A1CF: variants seen among roughly 807,000 people sequenced by gnomAD.
A1CF encodes APOBEC-1 stimulating protein.
In A1CF, 48 loss-of-function variants were observed where a neutral mutation model predicts 68.9. The ratio of observed to expected loss-of-function variants is 0.70; its 90% CI spans 0.55 to 0.89. A1CF has a LOEUF of 0.89. A1CF is among the 40% of genes least tolerant of loss of function. A1CF has a pLI of 0.00. For synonymous variants in A1CF, 272 were observed against 260.4 expected, an observed-to-expected ratio of 1.04 and a Z score of -0.43; for missense variants, 653 against 718.9, an observed-to-expected ratio of 0.91 and a Z score of 1.05.
chr10:50,853,858 A>G (rs1341702669), intron 3 of A1CF, among the ~76,000 whole-genome samples: 5 of 151,900 alleles, frequency 3.3e-5, no homozygotes, highest in Non-Finnish European at 5.9e-5. Flanking sequence ...TACTACATAA[A>G]CAAGCTGTAG....
chr10:50,827,482 C>T (rs1210907774), intron 7 of A1CF, among the ~76,000 whole-genome samples: 1 of 152,172 alleles, frequency 6.6e-6, no homozygotes, highest in Admixed American at 6.5e-5. Flanking sequence ...AAGAAACTCA[C>T]CCCAAACCAC....
intron 10 of A1CF, among the ~76,000 whole-genome samples, chr10:50,812,595 G>A (rs1176252606): frequency 6.6e-6 from 1 of 152,110 alleles, no homozygotes; most frequent in Non-Finnish European, 1.5e-5. Context: ...AAGTATTCCA[G>A]TACTTTAATC....
At chr10:50,841,215 C>T (rs1432759273) in intron 5 of A1CF, among the ~76,000 whole-genome samples, 1 of 152,234 alleles carries the variant, frequency 6.6e-6, no homozygotes, top group Admixed American at 6.5e-5. Flanking sequence ...TTCATCTACA[C>T]TTCCTCACAC....
intron 6 of A1CF, among the ~76,000 whole-genome samples, chr10:50,828,815 C>A (rs973130888): frequency 1.3e-5 from 2 of 152,080 alleles, no homozygotes; most frequent in Non-Finnish European, 2.9e-5. Flanking sequence ...ACTCAGGCAT[C>A]CTTAATTTGT....
intron 1 of A1CF, among the ~76,000 whole-genome samples, chr10:50,866,999 T>A (rs1470221507): frequency 6.7e-6 from 1 of 148,740 alleles, no homozygotes; most frequent in Non-Finnish European, 1.5e-5. Flanking sequence ...ACAGGCGTGA[T>A]CCAACATGCC....
intron 7 of A1CF, among the ~76,000 whole-genome samples, chr10:50,826,860 T>A (rs4471368): frequency 6.6e-6 from 1 of 152,142 alleles, no homozygotes; most frequent in East Asian, 1.9e-4. Flanking sequence ...GAGTCAAGAC[T>A]CATCAGTGCG....
Position 50,805,223 on chromosome 10 carries a change from T to G in A1CF, c.*1506A>C, listed in dbSNP as rs1379519662. ...TTTTCCATGTCTTTGTGTTTATGTT[T>G]TCCTTTGTGTTCTGTAAATTTTTTT... On this transcript the variant is annotated 3_prime_UTR_variant, in exon 13 of 13. Transcript: ENST00000373997. The G allele has an allele frequency of 1.3e-5, 2 of 152,236 alleles. No individual in the cohort carries two copies. The highest frequency in any genetic ancestry group is 4.8e-5 in the African/African-American group (2 of 41,460). The allele number at this position is 152,236 out of a possible 1,614,324, so 9.4% of individuals were successfully genotyped here. A position where few individuals can be genotyped will look rare whatever the true frequency, so the allele number is the denominator to read the frequency against.
chr10:50,868,995 G>T (rs1279009171), intron 1 of A1CF, among the ~76,000 whole-genome samples: 1 of 152,092 alleles, frequency 6.6e-6, no homozygotes, highest in East Asian at 1.9e-4. Flanking sequence ...GAGGATGCAG[G>T]GTGGGAGGAA....
At chr10:50,830,115 A>T (rs1020529063) in intron 6 of A1CF, among the ~76,000 whole-genome samples, 1 of 152,202 alleles carries the variant, frequency 6.6e-6, no homozygotes, top group African/African-American at 2.4e-5. Context: ...TAGTCATATT[A>T]TACAATAGAT....
chr10:50,806,927 C>A, intron 12 of A1CF, 47 bp from the exon 13 acceptor site: 1 of 1,577,098 alleles, frequency 6.3e-7, no homozygotes, highest in South Asian at 1.2e-5. Context: ...TTCACATTTG[C>A]TCCCTTTTGG....
chr10:50,843,541 G>A (rs1020400113), intron 4 of A1CF, among the ~76,000 whole-genome samples: 1 of 152,152 alleles, frequency 6.6e-6, no homozygotes, highest in African/African-American at 2.4e-5. Flanking sequence ...AAAAAATTCA[G>A]ACCTGGAGAT....
chr10:50,845,351 A>G (rs1399066259), intron 3 of A1CF, among the ~76,000 whole-genome samples: 2 of 152,156 alleles, frequency 1.3e-5, no homozygotes, highest in Non-Finnish European at 1.5e-5. Flanking sequence ...AAAATGTGCA[A>G]TTGACATTTT....
chr10:50,859,860 T>A lies in A1CF; in HGVS notation c.81A>T (p.Thr27=). 1 of 1,613,996 alleles carries A rather than the reference T, an allele frequency of 6.2e-7. No individual in the cohort carries two copies. Among genetic ancestry groups the A allele is most frequent in the Non-Finnish European group, 8.5e-7 (1 of 1,179,904 alleles). ...EAALRALVQR[T]GYSLVQENGQ... ...TTCCTACCTGGACCAAGCTATATCC[T>A]GTGCGCTGGACCAGTGCGCGGAGGG... Residue 27 remains threonine, a synonymous_variant, in exon 3 of 13, where the codon ACA becomes ACT. Transcript: ENST00000373997.
At chr10:50,835,810 T>C (rs1839461140) in intron 6 of A1CF, among the ~76,000 whole-genome samples, 2 of 147,266 alleles carry the variant, frequency 1.4e-5, no homozygotes, top group Non-Finnish European at 2.9e-5. Flanking sequence ...GAAGACTCTT[T>C]ATTCATCAAA....
At chr10:50,858,670 A>G (rs1250954331) in intron 3 of A1CF, among the ~76,000 whole-genome samples, 1 of 152,140 alleles carries the variant, frequency 6.6e-6, no homozygotes, top group Non-Finnish European at 1.5e-5. Context: ...TCAAAATTTT[A>G]AAAAGATTCA....
intron 7 of A1CF, among the ~76,000 whole-genome samples, chr10:50,821,103 T>C (rs1424132885): frequency 6.6e-6 from 1 of 152,196 alleles, no homozygotes; most frequent in East Asian, 1.9e-4. Context: ...TTTTAAAAAT[T>C]TAAATATTAG....
chr10:50,869,164 G>T (rs1403796584), intron 1 of A1CF, among the ~76,000 whole-genome samples: 1 of 151,866 alleles, frequency 6.6e-6, no homozygotes, highest in Non-Finnish European at 1.5e-5. Context: ...ATTTAGTTCT[G>T]CCACCATGAT....
intron 5 of A1CF, among the ~76,000 whole-genome samples, chr10:50,837,103 A>T (rs1171523955): frequency 3.3e-5 from 5 of 152,226 alleles, no homozygotes; most frequent in African/African-American, 9.6e-5. Flanking sequence ...TGTTAAAAAC[A>T]GTCTTTTATA....
At chr10:50,846,214 C>T (rs114917680) in intron 3 of A1CF, among the ~76,000 whole-genome samples, 4 of 152,124 alleles carry the variant, frequency 2.6e-5, no homozygotes, top group Non-Finnish European at 4.4e-5. Flanking sequence ...TATAAAATTA[C>T]CTTCAAGCTA....
Sources: gnomAD v4.1 joint callset for allele counts (sites outside exome capture counted in the v4.1 genomes callset) on GRCh38, gnomAD v4.1.1 for gene constraint, MANE v1.5 for transcripts, NCBI Gene and HGNC (gene_info 2026-07-23, HGNC 2026-07-21) for gene names.